IDE: variants seen among roughly 807,000 people sequenced by gnomAD.
IDE encodes insulin-degrading enzyme.
Under a neutral mutation model 133.2 loss-of-function variants are expected in IDE, and 58 were observed. That is an observed-to-expected ratio of 0.44 (90% CI 0.35 to 0.54). The LOEUF (loss-of-function observed/expected upper bound fraction) is 0.54. Ranked by LOEUF, IDE falls within the 20% of genes least tolerant of loss-of-function variation. The pLI, the probability that IDE is intolerant of heterozygous loss-of-function variation, is 0.00. For missense variants in IDE, 981 were observed against 1,234.0 expected (o/e 0.79, Z 3.07); for synonymous variants, 396 against 421.3 (o/e 0.94, Z 0.73).
At chr10:92,510,639 A>ATCACATATATGATATATATCACATACATC (rs1564635127) in intron 5 of IDE, among the ~76,000 whole-genome samples, 13 of 151,276 alleles carry the variant, frequency 8.6e-5, no homozygotes, top group African/African-American at 3.2e-4. Flanking sequence ...GTATATATAT[A>ATCACATATATGATATATATCACATACATC]TCACATATAT....
rs1478471938 is a variant in IDE at position 92,463,832 on chromosome 10, T to C, written c.2660A>G (p.Gln887Arg). Residue 887 changes from glutamine (Q) to arginine (R), a missense_variant, in exon 21 of 25, where the codon CAG becomes CGG. This residue lies in a region of IDE where 660 missense variants were observed against 894.7 expected (regional missense o/e 0.74). Coordinates refer to ENST00000265986, the MANE Select transcript of IDE (RefSeq NM_004969.4). ...MTEEAFQKHI[Q>R]ALAIRRLDKP... ...GTCTAGTCGACGAATTGCTAATGCC[T>C]GAATGTGTTTTTGGAAGGCCTCTTC... is the stretch of plus-strand genomic sequence containing the variant. 2 of 1,614,152 alleles carry C rather than the reference T, an allele frequency of 1.2e-6. No individual in the cohort carries two copies. The highest frequency in any genetic ancestry group is 8.5e-7 in the Non-Finnish European group (1 of 1,179,958).
At chr10:92,463,661 A>G in intron 21 of IDE, 70 bp downstream of exon 21, 1 of 1,394,014 alleles carries the variant, frequency 7.2e-7, no homozygotes, top group Non-Finnish European at 1.0e-6. Flanking sequence ...AATGAATACC[A>G]TTTTGTAGAA....
intron 22 of IDE, among the ~76,000 whole-genome samples, 173 bp from the exon 23 acceptor site, chr10:92,456,604 C>T (rs1344979127): frequency 3.3e-5 from 5 of 151,914 alleles, no homozygotes; most frequent in East Asian, 1.9e-4. Flanking sequence ...TTTGGGAGGC[C>T]GAGGCAGGTG....
chr10:92,559,684 T>C (rs2135799889), intron 1 of IDE, among the ~76,000 whole-genome samples: 1 of 152,124 alleles, frequency 6.6e-6, no homozygotes, highest in South Asian at 2.1e-4. Flanking sequence ...TTTAAAATGA[T>C]TGTGGTGATG....
intron 11 of IDE, 35 bp from the exon 12 acceptor site, chr10:92,490,630 A>G (rs772510828): frequency 8.2e-7 from 1 of 1,217,914 alleles, no homozygotes; most frequent in Admixed American, 1.8e-5. Context: ...AAAACCCTGT[A>G]AACTCATACT....
rs532529081 is a variant in IDE, at chr10:92,480,035, T to A, written c.1740-614A>T. 3.3e-3 allele frequency among the ~76,000 whole-genome samples: 508 copies of A among 152,118 alleles called. 1 individual carries two copies. The highest frequency in any genetic ancestry group is 0.011 in the African/African-American group (469 of 41,498). ...AACAGCAGCCAAAACTAGGGAAAAA[T>A]AAAATAGAAAAATATTTTAATGAGA... On this transcript the variant is annotated intron_variant, in intron 14 of 24. Coordinates refer to ENST00000265986, the MANE Select transcript of IDE (RefSeq NM_004969.4).
chr10:92,460,224 T>C (rs1485311488), intron 22 of IDE, among the ~76,000 whole-genome samples: 2 of 152,294 alleles, frequency 1.3e-5, no homozygotes, highest in East Asian at 3.9e-4. Flanking sequence ...AGCGCAAGCA[T>C]GTAAAACTTA....
chr10:92,573,234 G>A (rs1215307140), intron 1 of IDE: 5 of 960,008 alleles, frequency 5.2e-6, no homozygotes, highest in African/African-American at 1.8e-5. Flanking sequence ...CCTAATCCTG[G>A]TTTTGCCACA....
chr10:92,455,849 A>G (rs904609170), intron 23 of IDE, among the ~76,000 whole-genome samples: 3 of 152,206 alleles, frequency 2.0e-5, no homozygotes, highest in African/African-American at 7.2e-5. Flanking sequence ...GTGATGGCTC[A>G]TGATATTCCT....
rs756808631 is a variant in IDE at position 92,490,646 on chromosome 10, T to A, written c.1431-51A>T. On this transcript the variant is annotated intron_variant, in intron 11 of 24. Coordinates refer to ENST00000265986, the MANE Select transcript of IDE (RefSeq NM_004969.4). ...AAACCCTGTAAACTCATACTGTATA[T>A]ATGAATTTAAAGAACCTGACTCAGG... 5 of 1,094,954 alleles carry A rather than the reference T, an allele frequency of 4.6e-6. No homozygotes were observed. The Admixed American group carries it at 6.0e-5, about 13-fold the overall frequency. The allele number at this position is 1,094,954 out of a possible 1,614,324, so 67.8% of individuals were successfully genotyped here. A position where few individuals can be genotyped will look rare whatever the true frequency, so the allele number is the denominator to read the frequency against.
chr10:92,475,711 T>C (rs545105762), intron 16 of IDE, among the ~76,000 whole-genome samples, 173 bp downstream of exon 16: 1 of 152,232 alleles, frequency 6.6e-6, no homozygotes, highest in African/African-American at 2.4e-5. Context: ...TACTAGGATT[T>C]CTTTCTGGAT....
rs193244089 is a variant in IDE at position 92,568,673 on chromosome 10, G to A, written c.98+5249C>T. Among the ~76,000 whole-genome samples the A allele has an allele frequency of 7.6e-3, 1,160 of 152,016 alleles. 16 individuals carry two copies. Among genetic ancestry groups the A allele is most frequent in the African/African-American group, 0.027 (1,105 of 41,458 alleles). On this transcript the variant is annotated intron_variant, in intron 1 of 24. Transcript: ENST00000265986. ...TCTACTAAAAATACAAAAATTAGCC[G>A]GGCGTGGTGGCACGCGCCTGTAGTC...
At chr10:92,466,913 C>T (rs754947512) in intron 19 of IDE, among the ~76,000 whole-genome samples, 27 of 151,460 alleles carry the variant, frequency 1.8e-4, no homozygotes, top group Admixed American at 1.6e-3. Flanking sequence ...CCACTGCACC[C>T]GGCTGCCTGG....
At chr10:92,465,132 T>C (rs11187011) in intron 20 of IDE, among the ~76,000 whole-genome samples, 8,129 of 152,248 alleles carry the variant, frequency 0.053, 766 homozygotes, top group African/African-American at 0.18. Flanking sequence ...TAAACAATGA[T>C]GGGTACTTGG....
At chr10:92,503,937 C>G (rs573377958) in intron 11 of IDE, among the ~76,000 whole-genome samples, 56 of 152,016 alleles carry the variant, frequency 3.7e-4, no homozygotes, top group African/African-American at 1.3e-3. Flanking sequence ...AGGCTGGTCT[C>G]GAACTCCCGA....
intron 4 of IDE, among the ~76,000 whole-genome samples, chr10:92,524,410 T>TA (rs1849445613): frequency 1.1e-5 from 1 of 87,472 alleles, no homozygotes; most frequent in Non-Finnish European, 2.1e-5. Flanking sequence ...ATATAATATA[T>TA]ATTATATTAT....
rs940536511 is a variant in IDE, at chr10:92,463,980, G to A, written c.2512C>T (p.Arg838Cys). The part of the protein sequence containing the change: ...QLGYIVFSGP[R>C]RANGIQGLRF... The stretch of plus-strand genomic sequence containing the variant: ...AAGCCCTGTATGCCATTAGCTCGAC[G>A]TGGCCCGCTGAAGACGATATAGCCT... Residue 838 changes from arginine (R) to cysteine (C), a missense_variant, in exon 21 of 25, where the codon CGT becomes TGT. Coordinates refer to ENST00000265986, the MANE Select transcript of IDE (RefSeq NM_004969.4). The A allele has an allele frequency of 1.2e-6, 2 of 1,613,674 alleles. No homozygotes were observed. The highest frequency in any genetic ancestry group is 4.5e-5 in the East Asian group (2 of 44,862).
chr10:92,454,823 A>G (rs11187007), intron 24 of IDE, among the ~76,000 whole-genome samples: 43,635 of 151,942 alleles, frequency 0.29, 7,927 homozygotes, highest in East Asian at 0.71. Context: ...TGGCTCACCA[A>G]GGACTTAGAG....
chr10:92,531,691 A>G (rs1849932494), intron 4 of IDE, 57 bp downstream of exon 4: 2 of 858,404 alleles, frequency 2.3e-6, no homozygotes, highest in Admixed American at 5.7e-5. Context: ...ATAAAATATA[A>G]TACTATGCAG....
Sources: allele counts gnomAD v4.1 joint callset (sites outside exome capture counted in the v4.1 genomes callset), GRCh38; gene constraint gnomAD v4.1.1; regional missense constraint gnomAD v4.1.1; transcripts MANE v1.5; gene names NCBI Gene and HGNC (gene_info 2026-07-23, HGNC 2026-07-21).